ATRNL1: variants seen among roughly 807,000 people sequenced by gnomAD.
ATRNL1 encodes the protein attractin-like protein 1.
In ATRNL1, 95 loss-of-function variants were observed where a neutral mutation model predicts 182.7. That is an observed-to-expected ratio of 0.52 (90% CI 0.44 to 0.62). The LOEUF (loss-of-function observed/expected upper bound fraction) is 0.62, where lower values mean the gene tolerates loss of function less well. ATRNL1 is among the 20% of genes least tolerant of loss of function. ATRNL1 has a pLI of 0.00. For synonymous variants in ATRNL1, 576 were observed against 568.3 expected (o/e 1.01, Z -0.19); for missense variants, 1,471 against 1,679.5 (o/e 0.88, Z 2.17).
At chr10:115,642,095 A>T (rs1229990319) in intron 26 of ATRNL1, among the ~76,000 whole-genome samples, 1 of 152,102 alleles carries the variant, frequency 6.6e-6, no homozygotes, top group Non-Finnish European at 1.5e-5. Context: ...TAATATTTTA[A>T]ATTACATCGT....
chr10:115,121,861 T>G (rs1288943821), intron 3 of ATRNL1, 49 bp downstream of exon 3: 1 of 846,590 alleles, frequency 1.2e-6, no homozygotes, highest in Non-Finnish European at 1.9e-6. Context: ...GTGTAATTGC[T>G]TCTTTAAATA....
chr10:115,678,025 G>C (rs1241590318), intron 26 of ATRNL1, among the ~76,000 whole-genome samples: 1 of 152,070 alleles, frequency 6.6e-6, no homozygotes, highest in Non-Finnish European at 1.5e-5. Context: ...ATTTGAGTTT[G>C]GTATGGGTTT....
At chr10:115,887,554 G>T (rs1248999054) in intron 28 of ATRNL1, among the ~76,000 whole-genome samples, 1 of 152,026 alleles carries the variant, frequency 6.6e-6, no homozygotes, top group Non-Finnish European at 1.5e-5. Context: ...TCTCCTAAAG[G>T]CCTCATCTCC....
chr10:115,229,284 A>G (rs1849827997), intron 9 of ATRNL1, among the ~76,000 whole-genome samples: 1 of 151,776 alleles, frequency 6.6e-6, no homozygotes, highest in African/African-American at 2.4e-5. Flanking sequence ...ATTAAAAACT[A>G]TGTTATGAAA....
chr10:115,510,330 G>T (rs1850325737), intron 24 of ATRNL1, among the ~76,000 whole-genome samples: 1 of 152,048 alleles, frequency 6.6e-6, no homozygotes. Flanking sequence ...GCATGCTGCA[G>T]AGAAATCTTT....
intron 28 of ATRNL1, among the ~76,000 whole-genome samples, chr10:115,862,359 C>T (rs937474104): frequency 2.0e-5 from 3 of 152,164 alleles, no homozygotes; most frequent in African/African-American, 7.2e-5. Context: ...TTCCCTGATG[C>T]TTCAGAATCA....
intron 5 of ATRNL1, among the ~76,000 whole-genome samples, chr10:115,139,760 T>G (rs1274776392): frequency 6.6e-6 from 1 of 152,234 alleles, no homozygotes; most frequent in Non-Finnish European, 1.5e-5. Flanking sequence ...TTCCTATGGC[T>G]GATAAATGGC....
At position 115,825,981 on chromosome 10, in the gene ATRNL1, T is replaced by C. The variant is rs141381614; in HGVS notation, c.3904-21896T>C. Among the ~76,000 whole-genome samples the C allele has an allele frequency of 1.2e-3, 185 of 152,324 alleles. 1 individual carries two copies. The highest frequency in any genetic ancestry group is 4.3e-3 in the African/African-American group (179 of 41,568). ...ATGCTGTAAATAGAAATTAGTATTA[T>C]ATATGTAGACATGGGATTTTAGCTT... On this transcript the variant is annotated intron_variant, in intron 27 of 28. Coordinates refer to ENST00000355044, the MANE Select transcript of ATRNL1 (RefSeq NM_207303.4).
rs550030477 is a variant in ATRNL1 at position 115,321,134 on chromosome 10, A to G, written c.3037+5398A>G. Among the ~76,000 whole-genome samples the G allele has an allele frequency of 5.5e-4, 84 of 151,658 alleles. 1 individual carries two copies. The highest frequency in any genetic ancestry group is 3.9e-3 in the Admixed American group (59 of 15,208). Reference sequence around the variant, plus strand: ...TTGCTTTCTGTTTGTTTTTCTTTCAATGATCAGGTCCCTCTTATGTAGGAC... The same window carrying G: ...TTGCTTTCTGTTTGTTTTTCTTTCAGTGATCAGGTCCCTCTTATGTAGGAC... On this transcript the variant is annotated intron_variant, in intron 18 of 28. Transcript: ENST00000355044.
Position 115,121,816 on chromosome 10 carries a change from A to G in ATRNL1, c.491+4A>G. On this transcript the variant is annotated splice_donor_region_variant and intron_variant, in intron 3 of 28. Transcript: ENST00000355044. ...CACCTTTAATAGCTGTACTTAGGTG[A>G]GTAATTATATTTAATCAGTTGCAGA... 1.5e-6 allele frequency: 2 copies of G among 1,350,672 alleles called. No individual in the cohort carries two copies. The highest frequency in any genetic ancestry group is 1.3e-5 in the South Asian group (1 of 74,158). The allele number at this position is 1,350,672 out of a possible 1,614,324, so 83.7% of individuals were successfully genotyped here. A position where few individuals can be genotyped will look rare whatever the true frequency, so the allele number is the denominator to read the frequency against.
intron 10 of ATRNL1, among the ~76,000 whole-genome samples, chr10:115,251,297 G>A (rs1850866665): frequency 6.6e-6 from 1 of 152,070 alleles, no homozygotes; most frequent in Non-Finnish European, 1.5e-5. Flanking sequence ...AAAATTTATT[G>A]TATTATCCAG....
chr10:115,367,442 A>T lies in ATRNL1; in HGVS notation c.3176-27217A>T, dbSNP rs560211132. On this transcript the variant is annotated intron_variant, in intron 19 of 28. Transcript: ENST00000355044. ...CTTCTAAATTTTTTTCAAAGTTTTC[A>T]ACTTCTTTGCCTTTGGTTTGAATGT... Among the ~76,000 whole-genome samples, 63 of 145,302 alleles carry T rather than the reference A, an allele frequency of 4.3e-4. No homozygotes were observed. The East Asian group carries it at 0.012, about 29-fold the overall frequency.
chr10:115,385,958 CT>C (rs1408973362), intron 19 of ATRNL1, among the ~76,000 whole-genome samples: 1 of 152,092 alleles, frequency 6.6e-6, no homozygotes, highest in East Asian at 1.9e-4. Context: ...TTCTTAATTG[CT>C]ATGGTTTTAA....
chr10:115,878,291 C>T (rs187321900), intron 28 of ATRNL1, among the ~76,000 whole-genome samples: 4 of 152,360 alleles, frequency 2.6e-5, no homozygotes, highest in African/African-American at 4.8e-5. Flanking sequence ...ACTATTTGCT[C>T]ATTACAATGA....
intron 26 of ATRNL1, among the ~76,000 whole-genome samples, chr10:115,660,567 T>A (rs1245853526): frequency 2.0e-5 from 3 of 152,074 alleles, no homozygotes; most frequent in Non-Finnish European, 4.4e-5. Context: ...TATCATATTC[T>A]AAGGCAAGGA....
chr10:115,148,832 A>G (rs1554879986), intron 5 of ATRNL1, among the ~76,000 whole-genome samples: 1 of 148,810 alleles, frequency 6.7e-6, no homozygotes, highest in African/African-American at 2.5e-5. Context: ...TCACTGCAAC[A>G]TCCTCCTCCC....
intron 28 of ATRNL1, among the ~76,000 whole-genome samples, chr10:115,917,492 A>AG (rs1251423752): frequency 2.0e-5 from 3 of 149,558 alleles, no homozygotes; most frequent in Admixed American, 6.7e-5. Flanking sequence ...AAAAGAAAAA[A>AG]AAAACGGGGC....
chr10:115,777,630 A>G (rs1283228221), intron 27 of ATRNL1, among the ~76,000 whole-genome samples: 1 of 152,178 alleles, frequency 6.6e-6, no homozygotes, highest in Non-Finnish European at 1.5e-5. Context: ...AATCCAGCAT[A>G]CAATTCTAAC....
At chr10:115,338,359 G>T (rs1855590851) in intron 19 of ATRNL1, among the ~76,000 whole-genome samples, 2 of 152,102 alleles carry the variant, frequency 1.3e-5, no homozygotes, top group South Asian at 4.1e-4. Flanking sequence ...CACCAACTGT[G>T]TACAAGGGTT....
Sources: allele counts gnomAD v4.1 joint callset (sites outside exome capture counted in the v4.1 genomes callset), GRCh38; gene constraint gnomAD v4.1.1; transcripts MANE v1.5; gene names NCBI Gene and HGNC (gene_info 2026-07-23, HGNC 2026-07-21).